The following TANC2 variants were observed in gnomAD, a reference collection of about 807,000 sequenced individuals.
The protein encoded by TANC2 is protein TANC2.
Under a neutral mutation model 210.5 loss-of-function variants are expected in TANC2, and 26 were observed. That is an observed-to-expected ratio of 0.12 (90% CI 0.09 to 0.17). TANC2 has a LOEUF of 0.17. TANC2 is among the 10% of genes least tolerant of loss of function. TANC2 has a pLI of 1.00. For missense variants in TANC2, 2,129 were observed against 2,608.9 expected (o/e 0.82, Z 4.01); for synonymous variants, 931 against 967.1 (o/e 0.96, Z 0.69).
At chr17:63,416,520 A>G (rs1037324105) in intron 26 of TANC2, among the ~76,000 whole-genome samples, 2 of 152,236 alleles carry the variant, frequency 1.3e-5, no homozygotes, top group Non-Finnish European at 2.9e-5. Context: ...TCTTCCAGAA[A>G]GATTTGTGTG....
At chr17:63,004,417 G>C (rs1393087105) in intron 1 of TANC2, among the ~76,000 whole-genome samples, 2 of 152,114 alleles carry the variant, frequency 1.3e-5, no homozygotes, top group African/African-American at 4.8e-5. Flanking sequence ...AGGTGGCTAT[G>C]TGTGTCAAAG....
At chr17:63,120,647 T>G (rs1188374798) in intron 4 of TANC2, 1 of 151,428 alleles carries the variant, frequency 6.6e-6, no homozygotes, top group Non-Finnish European at 1.5e-5. Flanking sequence ...ACCCTGTCTT[T>G]ACAAAAAATA....
At chr17:63,404,704 C>G (rs186805830) in intron 19 of TANC2, among the ~76,000 whole-genome samples, 2 of 151,946 alleles carry the variant, frequency 1.3e-5, no homozygotes, top group Non-Finnish European at 2.9e-5. Context: ...TAGTTCCCAG[C>G]TAATTCTAAA....
At chr17:63,165,435 C>T (rs550516166) in intron 5 of TANC2, among the ~76,000 whole-genome samples, 1 of 152,254 alleles carries the variant, frequency 6.6e-6, no homozygotes, top group South Asian at 2.1e-4. Context: ...CCTTGTCTTC[C>T]AACAGAAAAG....
chr17:63,220,017 G>C (rs926465567), intron 7 of TANC2, among the ~76,000 whole-genome samples: 1 of 152,102 alleles, frequency 6.6e-6, no homozygotes, highest in African/African-American at 2.4e-5. Flanking sequence ...AAAATAGGCT[G>C]AGCACAGTGG....
intron 5 of TANC2, among the ~76,000 whole-genome samples, chr17:63,166,081 C>T (rs572318007): frequency 2.0e-5 from 3 of 152,162 alleles, no homozygotes; most frequent in African/African-American, 7.2e-5. Flanking sequence ...CCAGGAAACA[C>T]TAGTGCAAGA....
chr17:63,293,061 G>A (rs879865133), intron 9 of TANC2, among the ~76,000 whole-genome samples: 5 of 152,116 alleles, frequency 3.3e-5, no homozygotes, highest in Non-Finnish European at 5.9e-5. Flanking sequence ...ATTATCTTTA[G>A]AGTGTGTTTT....
rs375282365 is a variant in TANC2, at chr17:63,116,229, A to G, written c.322+16872A>G. On this transcript the variant is annotated intron_variant, in intron 4 of 27. Transcript: ENST00000689528. Reference sequence around the variant, plus strand: ...TGAAATATCATAGCATCAGTGACCCATGCTTAATAAATCTAATGAAAGATA... The same window carrying G: ...TGAAATATCATAGCATCAGTGACCCGTGCTTAATAAATCTAATGAAAGATA... Among the ~76,000 whole-genome samples, 14 of 152,342 alleles carry G rather than the reference A, an allele frequency of 9.2e-5. 1 individual carries two copies. The South Asian group carries it at 1.7e-3, about 18-fold the overall frequency.
In TANC2 at chr17:63,060,703, C is replaced by G. The variant is rs147245738; in HGVS notation, c.68-13240C>G. On this transcript the variant is annotated intron_variant, in intron 2 of 27. Coordinates refer to ENST00000689528, the Ensembl canonical transcript of TANC2. ...TCACCACTAGTGCTTATTTTGATAT[C>G]TTTCTAGTTATTTTGTTGGCTTAAA... Among the ~76,000 whole-genome samples the G allele has an allele frequency of 9.8e-3, 1,486 of 152,166 alleles. 13 individuals carry two copies. Among genetic ancestry groups the G allele is most frequent in the Non-Finnish European group, 0.016 (1,068 of 67,998 alleles).
exon 21 of TANC2, chr17:63,406,252 A>T (rs2048502662): frequency 5.6e-6 from 9 of 1,613,812 alleles, no homozygotes; most frequent in Non-Finnish European, 7.6e-6. Context: ...GCCATCTAGG[A>T]ACCGTGGACT....
At chr17:63,267,095 C>T (rs1379130231) in intron 8 of TANC2, among the ~76,000 whole-genome samples, 2 of 152,072 alleles carry the variant, frequency 1.3e-5, no homozygotes, top group Admixed American at 1.3e-4. Flanking sequence ...CTCAAGCGAT[C>T]CACTCTCCTC....
In TANC2 at chr17:63,373,281, C is replaced by G. The variant is rs563269540; in HGVS notation, c.2583-6437C>G. On this transcript the variant is annotated intron_variant, in intron 14 of 27. Transcript: ENST00000689528. ...CCACGCTTCCTAGAGCTGTCTCTACCTTATTTCTTACCTACTCTTTCTCAA... is the reference window on the plus strand; with the variant it reads ...CCACGCTTCCTAGAGCTGTCTCTACGTTATTTCTTACCTACTCTTTCTCAA... Among the ~76,000 whole-genome samples the G allele has an allele frequency of 2.0e-5, 3 of 152,236 alleles. No homozygotes were observed. In the South Asian group the frequency reaches 6.2e-4, roughly 32 times the overall value.
chr17:63,213,471 G>A (rs2041943730), intron 7 of TANC2, among the ~76,000 whole-genome samples: 1 of 152,098 alleles, frequency 6.6e-6, no homozygotes, highest in South Asian at 2.1e-4. Flanking sequence ...CTGACCAAAT[G>A]AAATTATATT....
intron 5 of TANC2, among the ~76,000 whole-genome samples, chr17:63,168,837 G>GT (rs938249163): frequency 2.0e-5 from 3 of 152,198 alleles, no homozygotes; most frequent in African/African-American, 7.2e-5. Flanking sequence ...AAAACATACA[G>GT]TTTCAAAGGA....
intron 2 of TANC2, among the ~76,000 whole-genome samples, chr17:63,068,441 A>G (rs768162533): frequency 2.0e-4 from 31 of 152,270 alleles, no homozygotes; most frequent in Middle Eastern, 3.4e-3. Context: ...TTTCGCTTCT[A>G]TATCTTGAAC....
chr17:63,274,846 A>G (rs534316111), intron 9 of TANC2, among the ~76,000 whole-genome samples: 1 of 152,150 alleles, frequency 6.6e-6, no homozygotes, highest in Non-Finnish European at 1.5e-5. Flanking sequence ...ATGTTTTTAA[A>G]TTTAATCACC....
At chr17:63,415,414 TG>T in intron 25 of TANC2, 113 bp from the exon 26 acceptor site, 1 of 1,374,332 alleles carries the variant, frequency 7.3e-7, no homozygotes, top group South Asian at 1.5e-5. Context: ...GGCTGGCGTT[TG>T]GGAGGGTTAG....
At chr17:63,249,232 C>T (rs373015303) in intron 8 of TANC2, among the ~76,000 whole-genome samples, 3 of 152,124 alleles carry the variant, frequency 2.0e-5, no homozygotes, top group African/African-American at 4.8e-5. Flanking sequence ...TGAATATAAA[C>T]TTAGCTGTTC....
chr17:63,231,258 T>TTAGTCCATTTACA (rs1259336174), intron 7 of TANC2, among the ~76,000 whole-genome samples: 1 of 152,196 alleles, frequency 6.6e-6, no homozygotes, highest in African/African-American at 2.4e-5. Flanking sequence ...TCCATTTACA[T>TTAGTCCATTTACA]TTAAGGTTAA....
Sources: allele counts gnomAD v4.1 joint callset (sites outside exome capture counted in the v4.1 genomes callset), GRCh38; gene constraint gnomAD v4.1.1; transcripts MANE v1.5; gene names NCBI Gene and HGNC (gene_info 2026-07-23, HGNC 2026-07-21).